RALGAPA1: variants seen among roughly 807,000 people sequenced by gnomAD.
RALGAPA1 encodes the protein ral GTPase-activating protein subunit alpha-1.
A neutral mutation model predicts 269.6 loss-of-function variants in RALGAPA1; 52 were observed. The ratio of observed to expected loss-of-function variants is 0.19; its 90% CI spans 0.15 to 0.24. The LOEUF (loss-of-function observed/expected upper bound fraction) is 0.24. Among genes scored for constraint, RALGAPA1 ranks in the 10% least tolerant of loss-of-function variants. RALGAPA1 has a pLI of 1.00. For synonymous variants in RALGAPA1, 817 were observed against 1,008.3 expected, an observed-to-expected ratio of 0.81 and a Z score of 3.60; for missense variants, 1,917 against 3,013.9, an observed-to-expected ratio of 0.64 and a Z score of 8.52.
intron 17 of RALGAPA1, among the ~76,000 whole-genome samples, chr14:35,697,615 G>A (rs1343385447): frequency 6.6e-6 from 1 of 151,950 alleles, no homozygotes; most frequent in African/African-American, 2.4e-5. Context: ...CAAAGTTGCT[G>A]GGGGTACAGG....
intron 32 of RALGAPA1, 132 bp downstream of exon 32, chr14:35,635,332 C>T (rs1236786649): frequency 1.9e-6 from 2 of 1,065,678 alleles, no homozygotes; most frequent in African/African-American, 1.6e-5. Flanking sequence ...CCCTTAGGCA[C>T]TGTAAGCTAA....
intron 1 of RALGAPA1, among the ~76,000 whole-genome samples, chr14:35,782,126 T>A (rs2075476359): frequency 6.6e-6 from 1 of 152,144 alleles, no homozygotes; most frequent in South Asian, 2.1e-4. Flanking sequence ...CAAGCTCAAC[T>A]AGGTTGCAGA....
intron 37 of RALGAPA1, among the ~76,000 whole-genome samples, chr14:35,573,762 G>C (rs2057376333): frequency 6.6e-6 from 1 of 152,014 alleles, no homozygotes; most frequent in Admixed American, 6.5e-5. Flanking sequence ...TAAATGTGTG[G>C]GACTTGGGCT....
intron 1 of RALGAPA1, among the ~76,000 whole-genome samples, chr14:35,789,934 C>T (rs1595562818): frequency 6.6e-6 from 1 of 152,012 alleles, no homozygotes; most frequent in African/African-American, 2.4e-5. Flanking sequence ...GCTCACCCTC[C>T]TGAGTTGAAA....
At chr14:35,765,293 T>C (rs2074054720) in intron 4 of RALGAPA1, among the ~76,000 whole-genome samples, 1 of 152,134 alleles carries the variant, frequency 6.6e-6, no homozygotes, top group Admixed American at 6.6e-5. Flanking sequence ...CTTGGTCCGA[T>C]TTGTTATTCT....
chr14:35,555,220 AAAG>A (rs1211500820), intron 39 of RALGAPA1, among the ~76,000 whole-genome samples: 13 of 152,220 alleles, frequency 8.5e-5, no homozygotes, highest in Non-Finnish European at 1.9e-4. Context: ...TCATAATCTT[AAAG>A]AAGGATTTTT....
At chr14:35,663,087 A>G (rs1261138894) in intron 27 of RALGAPA1, among the ~76,000 whole-genome samples, 3 of 151,942 alleles carry the variant, frequency 2.0e-5, no homozygotes, top group African/African-American at 7.3e-5. Flanking sequence ...TATTTTTTGT[A>G]GAGACAAGGT....
intron 33 of RALGAPA1, among the ~76,000 whole-genome samples, chr14:35,629,216 T>C (rs2139644425): frequency 6.6e-6 from 1 of 152,200 alleles, no homozygotes; most frequent in East Asian, 1.9e-4. Context: ...GCGTTTCATC[T>C]AAGAGGTAGG....
rs1219308432 is a variant in RALGAPA1, at chr14:35,565,022, G to A, written c.7496+5595C>T. ...CCTTGTTAAATTATAAGCTTATGAG[G>A]ACAGGATTACTATCTGATTTGTCTT... On this transcript the variant is annotated intron_variant, in intron 39 of 41. Transcript: ENST00000680220. 2.6e-5 allele frequency among the ~76,000 whole-genome samples: 4 copies of A among 151,956 alleles called. No homozygotes were observed. In the East Asian group the frequency reaches 7.7e-4, roughly 29 times the overall value.
chr14:35,634,904 T>C (rs2061574121), intron 32 of RALGAPA1, 147 bp from the exon 33 acceptor site: 1 of 760,092 alleles, frequency 1.3e-6, no homozygotes, highest in Non-Finnish European at 1.9e-6. Flanking sequence ...CAGTGGCTCA[T>C]GCCTGTAATC....
chr14:35,681,569 A>G (rs2065447989), intron 21 of RALGAPA1, among the ~76,000 whole-genome samples: 1 of 152,214 alleles, frequency 6.6e-6, no homozygotes. Flanking sequence ...TCTTCTGTAT[A>G]TGGAAATCTT....
Position 35,748,740 on chromosome 14 carries a change from A to C in RALGAPA1, c.1096T>G (p.Ser366Ala), listed in dbSNP as rs374730251. The C allele has an allele frequency of 3.1e-6, 5 of 1,612,574 alleles. No homozygotes were observed. The highest frequency in any genetic ancestry group is 1.3e-5 in the African/African-American group (1 of 74,522). ...KTDRTTEPEQ[S>A]HSNTSTLTER... ...GTGAGAGTGCTTGTATTGGAATGAG[A>C]CTGTTCGGGTTCTGTAGTTCTGTCT... is the stretch of plus-strand genomic sequence containing the variant. The change falls in exon 10 of 42, where the codon TCT (serine) becomes GCT (alanine). Residue 366 changes from serine (S) to alanine (A), a missense_variant. Physicochemically the swap from Ser to Ala is moderately conservative, Grantham distance 99. Transcript: ENST00000680220.
intron 1 of RALGAPA1, among the ~76,000 whole-genome samples, chr14:35,795,973 GA>G (rs1490095927): frequency 1.3e-5 from 2 of 151,964 alleles, no homozygotes; most frequent in Non-Finnish European, 2.9e-5. Context: ...AGAATTTACA[GA>G]TATAGGAAAA....
chr14:35,561,247 A>T (rs1252841698), intron 39 of RALGAPA1, among the ~76,000 whole-genome samples: 10 of 150,522 alleles, frequency 6.6e-5, no homozygotes, highest in African/African-American at 2.2e-4. Context: ...AAAAAAAAAA[A>T]AAAAATACAG....
At chr14:35,703,531 T>C (rs1257251304) in intron 16 of RALGAPA1, among the ~76,000 whole-genome samples, 5 of 152,202 alleles carry the variant, frequency 3.3e-5, no homozygotes, top group African/African-American at 1.2e-4. Context: ...TCACCTCCTT[T>C]TGTTGTTGTT....
chr14:35,712,814 C>G (rs554362002), intron 16 of RALGAPA1, among the ~76,000 whole-genome samples: 229 of 152,300 alleles, frequency 1.5e-3, no homozygotes, highest in Non-Finnish European at 2.9e-3. Flanking sequence ...GCTAAGATTA[C>G]AGGCGTGAGT....
Position 35,737,827 on chromosome 14 carries a change from C to CTATAAT in RALGAPA1, c.1587+680_1587+685dup, listed in dbSNP as rs2071164261. ...CACAGCCAGGCATGGTGGCTCACACCTATAATCCCAGCACTTTGGGAGGCT... is the reference window on the plus strand; with the variant it reads ...CACAGCCAGGCATGGTGGCTCACACCTATAATTATAATCCCAGCACTTTGGGAGGCT... On this transcript the variant is annotated intron_variant, in intron 12 of 41. Transcript: ENST00000680220. Among the ~76,000 whole-genome samples, 3 of 137,820 alleles carry CTATAAT rather than the reference C, an allele frequency of 2.2e-5. No homozygotes were observed. In the Admixed American group the frequency reaches 2.3e-4, roughly 10 times the overall value. The allele number at this position is 137,820 out of a possible 152,430, so 90.4% of individuals were successfully genotyped here. A position where few individuals can be genotyped will look rare whatever the true frequency, so the allele number is the denominator to read the frequency against.
chr14:35,545,200 G>C (rs2054344427), intron 41 of RALGAPA1, among the ~76,000 whole-genome samples: 1 of 152,026 alleles, frequency 6.6e-6, no homozygotes. Context: ...CAAAGCCTGA[G>C]TAGTTTAAAT....
intron 9 of RALGAPA1, among the ~76,000 whole-genome samples, chr14:35,749,808 A>G (rs2072498171): frequency 6.6e-6 from 1 of 152,152 alleles, no homozygotes; most frequent in South Asian, 2.1e-4. Flanking sequence ...CCTTTATCCT[A>G]CTTATAAAAG....
Sources: allele counts gnomAD v4.1 joint callset (sites outside exome capture counted in the v4.1 genomes callset), GRCh38; gene constraint gnomAD v4.1.1; transcripts MANE v1.5; gene names NCBI Gene and HGNC (gene_info 2026-07-23, HGNC 2026-07-21).